Variants in ASAP2 observed in about 807,000 individuals in gnomAD.
ASAP2 encodes the protein ArfGAP with SH3 domain, ankyrin repeat and PH domain 2, also known as arf-GAP with SH3 domain, ANK repeat and PH domain-containing protein 2.
A neutral mutation model predicts 131.4 loss-of-function variants in ASAP2; 45 were observed. That is an observed-to-expected ratio of 0.34 (90% CI 0.27 to 0.44). The LOEUF is 0.44. Ranked by LOEUF, ASAP2 falls within the 20% of genes least tolerant of loss-of-function variation. The pLI is 1.00. For missense variants in ASAP2, 1,011 were observed against 1,297.0 expected, an observed-to-expected ratio of 0.78 and a Z score of 3.39; for synonymous variants, 510 against 503.0, an observed-to-expected ratio of 1.01 and a Z score of -0.19.
At position 9,219,721 on chromosome 2, in the gene ASAP2, T is replaced by A. The variant is rs115320308; in HGVS notation, c.126+12491T>A. On this transcript the variant is annotated intron_variant, in intron 1 of 27. Coordinates refer to ENST00000281419, the MANE Select transcript of ASAP2 (RefSeq NM_003887.3). ...AGAATTCACATACCATAGAATTCAC[T>A]TACCATAAAATTCACCATTTTAAAG... Among the ~76,000 whole-genome samples the A allele has an allele frequency of 6.4e-3, 980 of 152,344 alleles. 10 individuals carry two copies. Among genetic ancestry groups the A allele is most frequent in the African/African-American group, 0.023 (942 of 41,578 alleles).
intron 7 of ASAP2, among the ~76,000 whole-genome samples, chr2:9,333,631 G>A (rs534819952): frequency 5.1e-4 from 77 of 152,256 alleles, no homozygotes; most frequent in African/African-American, 1.6e-3. Context: ...AGAAAAGGCC[G>A]GTATGTCTGG....
chr2:9,275,089 T>G (rs10189014), intron 1 of ASAP2, among the ~76,000 whole-genome samples: 7 of 134,904 alleles, frequency 5.2e-5, no homozygotes, highest in Non-Finnish European at 8.1e-5. Flanking sequence ...TCTGTTTTTT[T>G]TTTTTTTTTA....
chr2:9,374,738 A>T lies in ASAP2; in HGVS notation c.1557-17A>T. 1 of 1,576,594 alleles carries T rather than the reference A, an allele frequency of 6.3e-7. No homozygotes were observed. The highest frequency in any genetic ancestry group is 8.6e-7 in the Non-Finnish European group (1 of 1,162,038). On this transcript the variant is annotated splice_polypyrimidine_tract_variant and intron_variant, in intron 16 of 27. Transcript: ENST00000281419. ...GAAGCCCTTCATGATTTGCAAGGCA[A>T]TTACGTTTGGTTTCAGGAATGCAAG...
rs767605231 is a variant in ASAP2, at chr2:9,376,913, G to T, written c.1752G>T (p.Pro584=). 3 of 1,614,014 alleles carry T rather than the reference G, an allele frequency of 1.9e-6. No individual in the cohort carries two copies. In the South Asian group the frequency reaches 3.3e-5, roughly 18 times the overall value. Reference sequence around the variant, plus strand: ...GCCTTTGTTTGGTTTTTCAGGAGCCGGATGAAACGGCCCTCCACCTTGCAG... The same window carrying T: ...GCCTTTGTTTGGTTTTTCAGGAGCCTGATGAAACGGCCCTCCACCTTGCAG... ...EKIPLANGHE[P]DETALHLAVR... The change falls in exon 18 of 28, where the codon CCG becomes CCT. Residue 584 remains proline (P), a synonymous_variant. Coordinates refer to ENST00000281419, the MANE Select transcript of ASAP2 (RefSeq NM_003887.3).
chr2:9,331,749 CAG>C (rs756085041), intron 7 of ASAP2, among the ~76,000 whole-genome samples: 33 of 151,486 alleles, frequency 2.2e-4, no homozygotes, highest in South Asian at 1.7e-3. Context: ...GCCTGGGCGA[CAG>C]AGCGATTTTT....
chr2:9,255,825 G>C (rs1452743727), intron 1 of ASAP2, among the ~76,000 whole-genome samples: 1 of 152,190 alleles, frequency 6.6e-6, no homozygotes, highest in Non-Finnish European at 1.5e-5. Flanking sequence ...ACATAGCAGG[G>C]AGGTGATCTC....
chr2:9,353,613 G>A (rs938514011), intron 12 of ASAP2, among the ~76,000 whole-genome samples: 8 of 152,090 alleles, frequency 5.3e-5, no homozygotes, highest in Middle Eastern at 3.4e-3. Context: ...ATGCATTGAG[G>A]CAGTGAGGGT....
chr2:9,281,862 G>A lies in ASAP2; in HGVS notation c.199+2473G>A, dbSNP rs1667148427. 1.3e-5 allele frequency among the ~76,000 whole-genome samples: 2 copies of A among 152,136 alleles called. No homozygotes were observed. The highest frequency in any genetic ancestry group is 4.1e-4 in the South Asian group (2 of 4,826). On this transcript the variant is annotated intron_variant, in intron 2 of 27. Coordinates refer to ENST00000281419, the MANE Select transcript of ASAP2 (RefSeq NM_003887.3). This position sits in a 1 kb window ranked among gnomAD's most constrained non-coding sequence, Gnocchi z 4.0. ...GCCTCAGGTGAGTAAATACTGCAGA[G>A]CACCAGATGAGTTCCGAGCTCTTGT...
intron 22 of ASAP2, 118 bp from the exon 23 acceptor site, chr2:9,390,944 C>A (rs879542056): frequency 2.7e-6 from 4 of 1,486,726 alleles, no homozygotes; most frequent in Non-Finnish European, 3.7e-6. Flanking sequence ...GTAGAAGGGT[C>A]ATACTGACCG....
rs555739112 is a variant in ASAP2 at position 9,394,378 on chromosome 2, A to G, written c.2684+731A>G. 5.3e-5 allele frequency among the ~76,000 whole-genome samples: 8 copies of G among 151,934 alleles called. No individual in the cohort carries two copies. The South Asian group carries it at 1.7e-3, about 32-fold the overall frequency. ...ACGAGGTTTCGCCGTGTTAGCCAGG[A>G]TGGTCTCGATCTCCTGACCTCGTGA... On this transcript the variant is annotated intron_variant, in intron 24 of 27. Coordinates refer to ENST00000281419, the MANE Select transcript of ASAP2 (RefSeq NM_003887.3).
In ASAP2 at chr2:9,368,495, T is replaced by C. The variant is rs755649539; in HGVS notation, c.1532T>C (p.Val511Ala). The change falls in exon 16 of 28, where the codon GTC (valine) becomes GCC (alanine). Residue 511 changes from valine to alanine, a missense_variant. Transcript: ENST00000281419. ...TGTTGCCTACCAGCTGAGGACTCAG[T>C]CAAACCCAACCCAGGCAGCGACATG... Reference protein sequence around the residue: ...MECCLPAEDSVKPNPGSDMNA... With the variant: ...MECCLPAEDSAKPNPGSDMNA... 5.0e-6 allele frequency: 8 copies of C among 1,614,174 alleles called. No individual in the cohort carries two copies. In the Admixed American group the frequency reaches 5.0e-5, roughly 10 times the overall value.
At chr2:9,340,156 G>C (rs1396784112) in intron 9 of ASAP2, among the ~76,000 whole-genome samples, 1 of 152,184 alleles carries the variant, frequency 6.6e-6, no homozygotes, top group Non-Finnish European at 1.5e-5. Context: ...CCAATTAGCT[G>C]GGATTACAGG....
chr2:9,340,022 G>C (rs1053220195), intron 9 of ASAP2, among the ~76,000 whole-genome samples: 2 of 152,116 alleles, frequency 1.3e-5, no homozygotes, highest in African/African-American at 4.8e-5. Flanking sequence ...CATGTCTGCA[G>C]CTTTTTGTTT....
At chr2:9,215,240 A>G (rs1165666244) in intron 1 of ASAP2, among the ~76,000 whole-genome samples, 1 of 152,122 alleles carries the variant, frequency 6.6e-6, no homozygotes, top group African/African-American at 2.4e-5. Context: ...CCCTCTTATA[A>G]TCTTATGAGA....
At chr2:9,374,726 A>G in intron 16 of ASAP2, 29 bp from the exon 17 acceptor site, 1 of 1,564,520 alleles carries the variant, frequency 6.4e-7, no homozygotes, top group African/African-American at 1.4e-5. Flanking sequence ...GCCCTTCATG[A>G]TTTGCAAGGC....
intron 12 of ASAP2, 21 bp downstream of exon 12, chr2:9,350,916 C>A: frequency 6.3e-7 from 1 of 1,575,812 alleles, no homozygotes; most frequent in Non-Finnish European, 8.7e-7. Context: ...CTCTGAGATG[C>A]CGCGCCATAG....
At chr2:9,358,697 T>G in intron 14 of ASAP2, 59 bp from the exon 15 acceptor site, 2 of 1,567,022 alleles carry the variant, frequency 1.3e-6, no homozygotes, top group Non-Finnish European at 1.7e-6. Flanking sequence ...GGAAGAAAGA[T>G]GTGACTCCTG....
At chr2:9,312,386 C>G (rs13399030) in intron 3 of ASAP2, among the ~76,000 whole-genome samples, 528 of 152,312 alleles carry the variant, frequency 3.5e-3, no homozygotes, top group African/African-American at 8.6e-3. Flanking sequence ...TCTGCTGACT[C>G]CTCGACTGCC....
At chr2:9,399,196 G>C (rs1676422955) in intron 24 of ASAP2, 1 of 152,328 alleles carries the variant, frequency 6.6e-6, no homozygotes, top group East Asian at 1.9e-4. Flanking sequence ...CGACAGACGG[G>C]AGCGTACAGT....
Sources: allele counts gnomAD v4.1 joint callset (sites outside exome capture counted in the v4.1 genomes callset), GRCh38; gene constraint gnomAD v4.1.1; non-coding constraint Gnocchi (gnomAD v3.1); transcripts MANE v1.5; gene names NCBI Gene and HGNC (gene_info 2026-07-23, HGNC 2026-07-21).